The following DMD variants were observed in gnomAD, a reference collection of about 807,000 sequenced individuals.
DMD encodes mutant dystrophin.
A neutral mutation model predicts 330.1 loss-of-function variants in DMD; 63 were observed. That is an observed-to-expected ratio of 0.19 (90% CI 0.16 to 0.24). DMD has a LOEUF of 0.24. DMD is among the 10% of genes least tolerant of loss of function. DMD has a pLI of 1.00. For missense variants in DMD, 3,344 were observed against 2,684.1 expected, an observed-to-expected ratio of 1.25 and a Z score of -5.43; for synonymous variants, 1,223 against 959.8, an observed-to-expected ratio of 1.27 and a Z score of -5.07.
chrX:31,178,513 C>T, intron 70 of DMD, 156 bp downstream of exon 70: 1 of 964,374 alleles, frequency 1.0e-6, no homozygotes, highest in East Asian at 4.0e-5. Context: ...AAAGTGGCAA[C>T]TGGACATCAG....
chrX:32,890,174 G>A, intron 2 of DMD, among the ~76,000 whole-genome samples: 1 of 111,255 alleles, frequency 9.0e-6, no homozygotes, highest in African/African-American at 3.3e-5. Flanking sequence ...CAAGAGCTCA[G>A]GACTCAGAGA....
chrX:31,424,339 T>C (rs2063585877), intron 60 of DMD, among the ~76,000 whole-genome samples: 1 of 112,121 alleles, frequency 8.9e-6, no homozygotes, highest in African/African-American at 3.2e-5. Context: ...TCTATGGTTC[T>C]AGATTTTAAT....
At chrX:31,358,039 G>A (rs2058753491) in intron 60 of DMD, among the ~76,000 whole-genome samples, 1 of 110,280 alleles carries the variant, frequency 9.1e-6, no homozygotes, top group Admixed American at 9.8e-5. Flanking sequence ...TGGACTCACA[G>A]TCTCTACGGT....
intron 47 of DMD, among the ~76,000 whole-genome samples, chrX:31,884,949 G>C (rs1003660787): frequency 9.0e-6 from 1 of 111,064 alleles, no homozygotes; most frequent in Non-Finnish European, 1.9e-5. Flanking sequence ...CACTCAGAAA[G>C]AATATTATAT....
chrX:32,416,580 A>G, intron 29 of DMD, among the ~76,000 whole-genome samples: 1 of 112,211 alleles, frequency 8.9e-6, no homozygotes, highest in Non-Finnish European at 1.9e-5. Context: ...AATAAAGCAA[A>G]GCAACGACAA....
intron 12 of DMD, among the ~76,000 whole-genome samples, chrX:32,609,764 A>G (rs868522132): frequency 1.8e-5 from 2 of 111,196 alleles, no homozygotes; most frequent in African/African-American, 3.3e-5. Context: ...TTTCACATAT[A>G]ACCTTCACTG....
chrX:31,859,673 C>T (rs754170707), intron 48 of DMD, among the ~76,000 whole-genome samples: 1 of 112,103 alleles, frequency 8.9e-6, no homozygotes, highest in South Asian at 3.7e-4. Flanking sequence ...TTAAATGATA[C>T]GACTTTGTGA....
chrX:31,975,334 C>T (rs1211256476), intron 44 of DMD, among the ~76,000 whole-genome samples: 5 of 111,643 alleles, frequency 4.5e-5, no homozygotes, highest in Admixed American at 1.9e-4. Context: ...CTTTGCAAAG[C>T]GAATAGGTTT....
chrX:32,773,682 CTGGT>C (rs1426027599), intron 7 of DMD, among the ~76,000 whole-genome samples: 1 of 110,533 alleles, frequency 9.0e-6, no homozygotes, highest in East Asian at 2.8e-4. Flanking sequence ...GTCTCTGTGC[CTGGT>C]TGATTTCACT....
chrX:31,669,296 C>T (rs191849626), intron 53 of DMD, among the ~76,000 whole-genome samples: 1 of 111,825 alleles, frequency 8.9e-6, no homozygotes, highest in African/African-American at 3.2e-5. Flanking sequence ...CTTTTTATAA[C>T]AGCCATTCTA....
intron 55 of DMD, among the ~76,000 whole-genome samples, chrX:31,601,679 A>C (rs2077374204): frequency 8.9e-6 from 1 of 111,905 alleles, no homozygotes; most frequent in Admixed American, 9.5e-5. Context: ...TGAGACACAG[A>C]GTGTATGCTA....
Position 31,338,309 on chromosome X carries a change from CAAAAAAA to C in DMD, c.9163+10240_9163+10246del, listed in dbSNP as rs752828727. On this transcript the variant is annotated intron_variant, in intron 61 of 78. Coordinates refer to ENST00000357033, the MANE Select transcript of DMD (RefSeq NM_004006.3). ...TGAAACCCCGTCTCTAGTAAAAATACAAAAAAAAAAAAAAAAAAAAAAATCCAGGCGC... is the reference window on the plus strand; with the variant it reads ...TGAAACCCCGTCTCTAGTAAAAATACAAAAAAAAAAAAAAAATCCAGGCGC... Among the ~76,000 whole-genome samples the C allele has an allele frequency of 8.7e-3, 466 of 53,368 alleles. 4 individuals are homozygous for C. The highest frequency in any genetic ancestry group is 0.034 in the African/African-American group (448 of 13,355). The allele number at this position is 53,368 out of a possible 115,157, so 46.3% of individuals were successfully genotyped here. A position where few individuals can be genotyped will look rare whatever the true frequency, so the allele number is the denominator to read the frequency against.
intron 1 of DMD, among the ~76,000 whole-genome samples, chrX:33,243,909 A>G (rs1028115044): frequency 8.9e-6 from 1 of 111,877 alleles, no homozygotes; most frequent in Admixed American, 9.5e-5. Context: ...AGGGGGTTGT[A>G]TGATGAGAAA....
chrX:32,407,105 A>G (rs1370181228), intron 30 of DMD, among the ~76,000 whole-genome samples: 97 of 111,892 alleles, frequency 8.7e-4, no homozygotes, highest in Admixed American at 1.2e-3. Flanking sequence ...CAATGGCAAC[A>G]AAAGCCAAAA....
intron 30 of DMD, among the ~76,000 whole-genome samples, chrX:32,391,667 C>T (rs949083789): frequency 6.3e-5 from 7 of 111,713 alleles, no homozygotes; most frequent in East Asian, 5.6e-4. Context: ...TGATATGTTT[C>T]GTGAACCTAG....
At chrX:31,140,907 A>G (rs17340568) in intron 76 of DMD, among the ~76,000 whole-genome samples, 3,876 of 111,650 alleles carry the variant, frequency 0.035, 110 homozygotes, top group East Asian at 0.14. Context: ...GGCTGAAAAC[A>G]TGGCTGGGTG....
intron 52 of DMD, among the ~76,000 whole-genome samples, chrX:31,698,981 T>C (rs969119634): frequency 8.9e-6 from 1 of 112,000 alleles, no homozygotes; most frequent in African/African-American, 3.2e-5. Context: ...CATTTAAGGT[T>C]AGTTTGGAAC....
At chrX:32,304,499 C>T (rs1368204630) in intron 42 of DMD, among the ~76,000 whole-genome samples, 4 of 110,560 alleles carry the variant, frequency 3.6e-5, no homozygotes, top group Admixed American at 9.7e-5. Context: ...AAAACTGTAC[C>T]GAAGCACATA....
chrX:32,544,847 G>GA lies in DMD; in HGVS notation c.2168+311dup, dbSNP rs1321266065. ...CAACAAGCAGGCCCTTTATAAGGAA[G>GA]AAAAAAAAAAAAGAAAGAAAGAAAC... On this transcript the variant is annotated intron_variant, in intron 17 of 78. Coordinates refer to ENST00000357033, the MANE Select transcript of DMD (RefSeq NM_004006.3). Among the ~76,000 whole-genome samples the GA allele has an allele frequency of 2.3e-3, 214 of 92,178 alleles. 1 individual carries two copies. The highest frequency in any genetic ancestry group is 0.012 in the Middle Eastern group (2 of 166). 80.0% of individuals were successfully genotyped at this position (92,178 alleles called of 115,157 possible).
Sources: allele counts gnomAD v4.1 joint callset (sites outside exome capture counted in the v4.1 genomes callset), GRCh38; gene constraint gnomAD v4.1.1; transcripts MANE v1.5; gene names NCBI Gene and HGNC (gene_info 2026-07-23, HGNC 2026-07-21).